The following NCKAP1 variants were observed in gnomAD, a reference collection of about 807,000 sequenced individuals.
NCKAP1 encodes the protein NCK associated protein 1, also known as nck-associated protein 1.
Under a neutral mutation model 151.2 loss-of-function variants are expected in NCKAP1, and 21 were observed. That is an observed-to-expected ratio of 0.14 (90% CI 0.10 to 0.20). NCKAP1 has a LOEUF of 0.20. NCKAP1 is among the 10% of genes least tolerant of loss of function. The probability of loss-of-function intolerance (pLI) is 1.00; values close to 1 mark genes in which losing one functional copy is unlikely to be tolerated. For synonymous variants in NCKAP1, 484 were observed against 451.8 expected (o/e 1.07, Z -0.90); for missense variants, 933 against 1,352.1 (o/e 0.69, Z 4.86).
intron 1 of NCKAP1, among the ~76,000 whole-genome samples, chr2:183,035,869 A>G (rs912943439): frequency 6.6e-6 from 1 of 151,738 alleles, no homozygotes; most frequent in Non-Finnish European, 1.5e-5. Flanking sequence ...GGCCTAACTG[A>G]AGGCCTCGAG....
At chr2:182,965,323 AT>A (rs201076450) in intron 16 of NCKAP1, among the ~76,000 whole-genome samples, 40 of 146,004 alleles carry the variant, frequency 2.7e-4, no homozygotes, top group Middle Eastern at 3.5e-3. Context: ...CATCAATTTT[AT>A]TTTTTTTTTT....
chr2:182,933,042 T>C (rs1696797942), intron 26 of NCKAP1, among the ~76,000 whole-genome samples: 1 of 152,178 alleles, frequency 6.6e-6, no homozygotes, highest in Non-Finnish European at 1.5e-5. Context: ...AGAATTATAA[T>C]ACAAGGCAGA....
At chr2:183,025,105 G>T in intron 1 of NCKAP1, 1 of 956,514 alleles carries the variant, frequency 1.0e-6, no homozygotes, top group Non-Finnish European at 1.6e-6. Context: ...ATGAATAACA[G>T]AACAAGATTA....
intron 26 of NCKAP1, among the ~76,000 whole-genome samples, chr2:182,931,000 G>A (rs1696752076): frequency 6.6e-6 from 1 of 152,056 alleles, no homozygotes; most frequent in Non-Finnish European, 1.5e-5. Flanking sequence ...CTACTGCTAG[G>A]CCAAACAAAA....
At chr2:182,943,266 A>C (rs1246406663) in intron 23 of NCKAP1, among the ~76,000 whole-genome samples, 5 of 152,194 alleles carry the variant, frequency 3.3e-5, no homozygotes, top group Non-Finnish European at 7.4e-5. Context: ...TTTACAAACG[A>C]AAGGTTGATA....
At chr2:182,975,442 C>T (rs1381924565) in intron 15 of NCKAP1, among the ~76,000 whole-genome samples, 2 of 151,978 alleles carry the variant, frequency 1.3e-5, no homozygotes, top group Non-Finnish European at 2.9e-5. Context: ...AAGGAAAGAA[C>T]CTAAGAAAAG....
chr2:183,037,581 T>C (rs1194938113), intron 1 of NCKAP1, among the ~76,000 whole-genome samples: 3 of 152,178 alleles, frequency 2.0e-5, no homozygotes, highest in African/African-American at 7.2e-5. Flanking sequence ...ACTGCTGCCA[T>C]CTCCGTAAGA....
chr2:183,012,602 G>A (rs141399054), intron 2 of NCKAP1, among the ~76,000 whole-genome samples: 14 of 148,584 alleles, frequency 9.4e-5, no homozygotes, highest in African/African-American at 3.5e-4. Context: ...TCTTTTTACT[G>A]TCACTCATCC....
intron 16 of NCKAP1, among the ~76,000 whole-genome samples, chr2:182,966,081 G>A (rs775545331): frequency 3.9e-5 from 6 of 152,058 alleles, no homozygotes; most frequent in Admixed American, 6.6e-5. Context: ...GCAGTGAGAA[G>A]CTTTTCATGA....
intron 20 of NCKAP1, among the ~76,000 whole-genome samples, chr2:182,955,080 C>T (rs1462622848): frequency 6.6e-6 from 1 of 152,126 alleles, no homozygotes; most frequent in Non-Finnish European, 1.5e-5. Context: ...GTCAGGATGC[C>T]TGACTTACTA....
chr2:182,989,719 T>C (rs1698129429), intron 8 of NCKAP1, among the ~76,000 whole-genome samples: 1 of 149,200 alleles, frequency 6.7e-6, no homozygotes, highest in Non-Finnish European at 1.5e-5. Context: ...AAAAATTTTT[T>C]TTTAATGGCC....
At chr2:183,012,003 C>T (rs1436126582) in intron 2 of NCKAP1, among the ~76,000 whole-genome samples, 1 of 152,148 alleles carries the variant, frequency 6.6e-6, no homozygotes, top group Admixed American at 6.5e-5. Context: ...TATACGTGTA[C>T]AGGGAACTCC....
At chr2:183,033,064 A>T (rs1699037081) in intron 1 of NCKAP1, among the ~76,000 whole-genome samples, 1 of 152,122 alleles carries the variant, frequency 6.6e-6, no homozygotes, top group Non-Finnish European at 1.5e-5. Context: ...AAAGAGAAGA[A>T]ATGCATTTAA....
chr2:182,960,087 C>A (rs563869199), intron 18 of NCKAP1, among the ~76,000 whole-genome samples: 1 of 152,270 alleles, frequency 6.6e-6, no homozygotes, highest in South Asian at 2.1e-4. Context: ...AAAGAGGATA[C>A]AAACAAATGG....
intron 18 of NCKAP1, among the ~76,000 whole-genome samples, chr2:182,961,137 C>A (rs1197065151): frequency 6.6e-6 from 1 of 152,170 alleles, no homozygotes; most frequent in African/African-American, 2.4e-5. Flanking sequence ...GTTGGTGGGA[C>A]TGTAAACTAG....
At chr2:182,935,940 G>A (rs1696865547) in intron 24 of NCKAP1, among the ~76,000 whole-genome samples, 1 of 152,104 alleles carries the variant, frequency 6.6e-6, no homozygotes, top group African/African-American at 2.4e-5. Flanking sequence ...ATTGGTTAGA[G>A]AGCATTATTC....
intron 1 of NCKAP1, among the ~76,000 whole-genome samples, chr2:183,030,150 T>A (rs1370594793): frequency 6.6e-6 from 1 of 152,120 alleles, no homozygotes; most frequent in Non-Finnish European, 1.5e-5. Flanking sequence ...GCTTAAAACC[T>A]CAGGAAGCAG....
intron 10 of NCKAP1, among the ~76,000 whole-genome samples, chr2:182,984,484 C>T (rs943221673): frequency 2.7e-5 from 4 of 148,672 alleles, no homozygotes; most frequent in African/African-American, 1.0e-4. Flanking sequence ...ATAAAGAATA[C>T]ACACCACTAG....
intron 2 of NCKAP1, among the ~76,000 whole-genome samples, chr2:183,004,365 G>A (rs1422371069): frequency 6.6e-6 from 1 of 151,564 alleles, no homozygotes; most frequent in African/African-American, 2.4e-5. Flanking sequence ...TTAGGGGGAA[G>A]ATGCATCCAT....
Sources: gnomAD v4.1 joint callset for allele counts (sites outside exome capture counted in the v4.1 genomes callset) on GRCh38, gnomAD v4.1.1 for gene constraint, MANE v1.5 for transcripts, NCBI Gene and HGNC (gene_info 2026-07-23, HGNC 2026-07-21) for gene names.